The following EYS variants were observed in gnomAD, a reference collection of about 807,000 sequenced individuals.
The protein encoded by EYS is protein eyes shut homolog.
In EYS, 250 loss-of-function variants were observed where a neutral mutation model predicts 282.1. The ratio of observed to expected loss-of-function variants is 0.89; its 90% CI spans 0.80 to 0.98. The LOEUF (loss-of-function observed/expected upper bound fraction) is 0.98. Among genes scored for constraint, EYS ranks in the 50% least tolerant of loss-of-function variants. EYS has a pLI of 0.00. For missense variants in EYS, 4,016 were observed against 3,709.0 expected (o/e 1.08, Z -2.15); for synonymous variants, 1,355 against 1,282.9 (o/e 1.06, Z -1.20).
chr6:64,444,850 G>A (rs1424157453), intron 26 of EYS, among the ~76,000 whole-genome samples: 1 of 152,172 alleles, frequency 6.6e-6, no homozygotes. Context: ...TTAAAAGAGT[G>A]TGGTACTTCC....
chr6:65,139,075 A>T lies in EYS; in HGVS notation c.2024-81348T>A, dbSNP rs554733773. ...AATTACCATTTAACCCAGAAATCCC[A>T]TCACTGATATACCCAAATGAAATAT... On this transcript the variant is annotated intron_variant, in intron 12 of 42. Coordinates refer to ENST00000503581, the MANE Select transcript of EYS (RefSeq NM_001142800.2). 9.2e-5 allele frequency among the ~76,000 whole-genome samples: 14 copies of T among 152,230 alleles called. No homozygotes were observed. The South Asian group carries it at 2.7e-3, about 29-fold the overall frequency.
intron 7 of EYS, among the ~76,000 whole-genome samples, chr6:65,400,896 A>G (rs13219182): frequency 2.0e-5 from 3 of 151,848 alleles, no homozygotes; most frequent in Admixed American, 1.3e-4. Flanking sequence ...GGTATAAGAC[A>G]ATTTCCCTCA....
intron 22 of EYS, among the ~76,000 whole-genome samples, chr6:64,710,265 T>C (rs1442721024): frequency 6.6e-6 from 1 of 152,230 alleles, no homozygotes; most frequent in Admixed American, 6.5e-5. Context: ...GTTTTCCACA[T>C]GGCATTTCAT....
At chr6:63,938,472 A>G (rs1271148726) in intron 35 of EYS, among the ~76,000 whole-genome samples, 1 of 152,254 alleles carries the variant, frequency 6.6e-6, no homozygotes, top group African/African-American at 2.4e-5. Context: ...AGTCTGATCT[A>G]CCATCCAGGC....
At chr6:65,042,544 T>A (rs1366879136) in intron 13 of EYS, among the ~76,000 whole-genome samples, 2 of 151,450 alleles carry the variant, frequency 1.3e-5, no homozygotes, top group Non-Finnish European at 3.0e-5. Context: ...GCCTTTTGCA[T>A]AATCCATTTA....
chr6:63,855,055 T>C (rs1032889267), intron 36 of EYS, among the ~76,000 whole-genome samples: 5 of 152,238 alleles, frequency 3.3e-5, no homozygotes, highest in African/African-American at 1.2e-4. Flanking sequence ...AGCCTTGTCA[T>C]GTGAGAAAGA....
intron 31 of EYS, among the ~76,000 whole-genome samples, chr6:64,160,708 A>G (rs541241063): frequency 6.6e-6 from 1 of 152,344 alleles, no homozygotes; most frequent in African/African-American, 2.4e-5. Context: ...GACGTTGAAG[A>G]ATGAATGACA....
At chr6:64,520,942 C>T (rs1777715791) in intron 26 of EYS, among the ~76,000 whole-genome samples, 1 of 151,750 alleles carries the variant, frequency 6.6e-6, no homozygotes, top group African/African-American at 2.4e-5. Context: ...AACAAATTAA[C>T]TTAGCCAAGT....
intron 26 of EYS, among the ~76,000 whole-genome samples, chr6:64,587,867 G>A (rs1185385280): frequency 6.6e-6 from 1 of 151,996 alleles, no homozygotes; most frequent in East Asian, 1.9e-4. Context: ...GACTCCAGAA[G>A]CTGACCCGCA....
chr6:64,980,674 A>T (rs1301656117), intron 14 of EYS, among the ~76,000 whole-genome samples: 2 of 151,390 alleles, frequency 1.3e-5, no homozygotes, highest in Non-Finnish European at 3.0e-5. Flanking sequence ...ATGGTGAGAC[A>T]ATATAAGAAT....
chr6:65,035,624 G>A (rs1229459594), intron 13 of EYS, among the ~76,000 whole-genome samples: 2 of 151,732 alleles, frequency 1.3e-5, no homozygotes, highest in Non-Finnish European at 2.9e-5. Flanking sequence ...AGCTAAACAG[G>A]GTTGTTAAAA....
intron 13 of EYS, among the ~76,000 whole-genome samples, chr6:65,017,629 G>A (rs1474805587): frequency 6.6e-6 from 1 of 152,068 alleles, no homozygotes; most frequent in Non-Finnish European, 1.5e-5. Context: ...CAATTTTATG[G>A]ATCACCAAAA....
At chr6:64,997,853 T>C (rs1771324743) in intron 13 of EYS, 150 bp from the exon 14 acceptor site, 7 of 626,682 alleles carry the variant, frequency 1.1e-5, no homozygotes, top group Admixed American at 3.6e-5. Flanking sequence ...TACATAGTCA[T>C]CTACAATATT....
At chr6:63,735,617 G>C (rs1234701095) in intron 41 of EYS, among the ~76,000 whole-genome samples, 1 of 151,904 alleles carries the variant, frequency 6.6e-6, no homozygotes, top group Non-Finnish European at 1.5e-5. Flanking sequence ...CCGTAAACAA[G>C]GATATTTTCC....
At chr6:65,299,308 C>T (rs1025346053) in intron 11 of EYS, among the ~76,000 whole-genome samples, 7 of 152,128 alleles carry the variant, frequency 4.6e-5, no homozygotes, top group South Asian at 2.1e-4. Context: ...AATTTTTCTA[C>T]AATAAATAAC....
chr6:64,157,243 A>G lies in EYS; in HGVS notation c.6424+73349T>C, dbSNP rs1277004756. ...TGAACTCATCATTTCTTATGGCTGC[A>G]TAGTATTCCATGGTGTATATGTTCC... On this transcript the variant is annotated intron_variant, in intron 31 of 42. Transcript: ENST00000503581. Among the ~76,000 whole-genome samples the G allele has an allele frequency of 5.3e-5, 8 of 152,204 alleles. No individual in the cohort carries two copies. The South Asian group carries it at 8.3e-4, about 16-fold the overall frequency.
At chr6:64,162,563 C>T (rs577465234) in intron 31 of EYS, among the ~76,000 whole-genome samples, 2 of 152,180 alleles carry the variant, frequency 1.3e-5, no homozygotes, top group African/African-American at 4.8e-5. Flanking sequence ...AAGCTAAGTC[C>T]TCTGTTGGTG....
chr6:64,757,610 T>C (rs1431567223), intron 22 of EYS, among the ~76,000 whole-genome samples: 1 of 152,196 alleles, frequency 6.6e-6, no homozygotes, highest in African/African-American at 2.4e-5. Flanking sequence ...CTCCCCTAAC[T>C]GACAGAATGA....
chr6:63,990,962 A>G (rs1257626143), intron 34 of EYS, among the ~76,000 whole-genome samples: 2 of 151,610 alleles, frequency 1.3e-5, no homozygotes, highest in African/African-American at 4.8e-5. Flanking sequence ...AGAATGTTAC[A>G]AGAGACTAAT....
Sources: allele counts gnomAD v4.1 joint callset (sites outside exome capture counted in the v4.1 genomes callset), GRCh38; gene constraint gnomAD v4.1.1; transcripts MANE v1.5; gene names NCBI Gene and HGNC (gene_info 2026-07-23, HGNC 2026-07-21).